The following MAP3K1 variants were observed in gnomAD, a reference collection of about 807,000 sequenced individuals.
The protein encoded by MAP3K1 is mitogen-activated protein kinase kinase kinase 1, also known as MAP/ERK kinase kinase 1.
A neutral mutation model predicts 144.2 loss-of-function variants in MAP3K1; 36 were observed. The observed-to-expected ratio is 0.25, with a 90% CI of 0.19 to 0.33. The LOEUF is 0.33. Ranked by LOEUF, MAP3K1 falls within the 10% of genes least tolerant of loss-of-function variation. The probability of loss-of-function intolerance (pLI) is 1.00; values close to 1 mark genes in which losing one functional copy is unlikely to be tolerated. For synonymous variants in MAP3K1, 718 were observed against 688.7 expected (o/e 1.04, Z -0.67); for missense variants, 1,650 against 1,881.9 (o/e 0.88, Z 2.28).
chr5:56,873,483 A>G (rs1747922795), intron 9 of MAP3K1, among the ~76,000 whole-genome samples: 2 of 152,158 alleles, frequency 1.3e-5, no homozygotes, highest in African/African-American at 4.8e-5. Context: ...TGAGTTCATC[A>G]TTTTTATTTG....
intron 18 of MAP3K1, 57 bp downstream of exon 18, chr5:56,887,577 C>G: frequency 1.3e-6 from 2 of 1,568,096 alleles, no homozygotes; most frequent in Non-Finnish European, 8.8e-7. Flanking sequence ...TGTGTAACAG[C>G]ATTATACTAA....
chr5:56,823,422 C>G (rs916346572), intron 1 of MAP3K1, among the ~76,000 whole-genome samples: 1 of 152,232 alleles, frequency 6.6e-6, no homozygotes, highest in African/African-American at 2.4e-5. Context: ...CTCATCCACC[C>G]AGACTGGCTT....
At chr5:56,862,697 G>A (rs930162350) in intron 3 of MAP3K1, among the ~76,000 whole-genome samples, 1 of 152,192 alleles carries the variant, frequency 6.6e-6, no homozygotes, top group African/African-American at 2.4e-5. Flanking sequence ...CTGTGAGCAT[G>A]TATCTGTGAA....
chr5:56,844,886 A>G (rs1412349804), intron 1 of MAP3K1, among the ~76,000 whole-genome samples: 2 of 152,206 alleles, frequency 1.3e-5, no homozygotes, highest in Non-Finnish European at 2.9e-5. Context: ...TTTGTCAGGA[A>G]GTCATTCTTC....
rs1466506537 is a variant in MAP3K1 at position 56,815,761 on chromosome 5, G to A, written c.188G>A (p.Arg63His). ...GCGGACTGGCGGCGGCGGCAGCTGC[G>A]CAAAGTGCGGAGTGTGGAGCTGGAC... is the stretch of plus-strand genomic sequence containing the variant. The part of the protein sequence containing the change: ...ERADWRRRQL[R>H]KVRSVELDQL... The change falls in exon 1 of 20, where the codon CGC becomes CAC. Residue 63 changes from arginine (R) to histidine (H), a missense_variant. Arg to His is a conservative substitution (Grantham distance 29, BLOSUM62 0). Transcript: ENST00000399503. 2 of 1,381,268 alleles carry A rather than the reference G, an allele frequency of 1.4e-6. No homozygotes were observed. Among genetic ancestry groups the A allele is most frequent in the Non-Finnish European group, 1.9e-6 (2 of 1,063,436 alleles). The allele number at this position is 1,381,268 out of a possible 1,614,324, so 85.6% of individuals were successfully genotyped here. A position where few individuals can be genotyped will look rare whatever the true frequency, so the allele number is the denominator to read the frequency against.
intron 6 of MAP3K1, among the ~76,000 whole-genome samples, chr5:56,867,667 C>T (rs976017117): frequency 7.2e-5 from 11 of 152,176 alleles, no homozygotes; most frequent in African/African-American, 2.2e-4. Flanking sequence ...TGTGCTTGAT[C>T]GTATGTAAAG....
At chr5:56,866,096 T>A in intron 6 of MAP3K1, 119 bp downstream of exon 6, 3 of 973,886 alleles carry the variant, frequency 3.1e-6, no homozygotes, top group Non-Finnish European at 4.7e-6. Context: ...ATCTTGGCTT[T>A]CAAGTTAAAA....
Position 56,882,231 on chromosome 5 carries a change from C to A in MAP3K1, c.3031C>A (p.Pro1011Thr). Residue 1011 changes from proline to threonine, a missense_variant, in exon 14 of 20, where the codon CCC (proline) becomes ACC (threonine). Coordinates refer to ENST00000399503, the MANE Select transcript of MAP3K1 (RefSeq NM_005921.2). ...VSKHRLQGFI[P>T]CRIPSASPQT... is the part of the protein sequence containing the mutation. ...TAAGCATAGACTTCAGGGATTCATT[C>A]CCTGCAGAATACCTTCTGCATCTCC... The A allele has an allele frequency of 6.2e-7, 1 of 1,614,102 alleles. No individual in the cohort carries two copies. The highest frequency in any genetic ancestry group is 8.5e-7 in the Non-Finnish European group (1 of 1,179,998).
intron 3 of MAP3K1, among the ~76,000 whole-genome samples, chr5:56,863,252 A>G (rs1030066120): frequency 2.6e-5 from 4 of 152,244 alleles, no homozygotes; most frequent in African/African-American, 9.6e-5. Flanking sequence ...TTCATGAATC[A>G]TTCTTTGCTC....
intron 19 of MAP3K1, among the ~76,000 whole-genome samples, chr5:56,892,620 T>A (rs1011385808): frequency 1.3e-5 from 2 of 152,110 alleles, no homozygotes; most frequent in Admixed American, 6.5e-5. Flanking sequence ...AAAATAAGAA[T>A]GAAATAGAGA....
chr5:56,890,224 T>G (rs1748508504), intron 19 of MAP3K1, among the ~76,000 whole-genome samples: 1 of 152,210 alleles, frequency 6.6e-6, no homozygotes, highest in African/African-American at 2.4e-5. Flanking sequence ...CAATAAATAC[T>G]CATGGCTAGG....
At chr5:56,877,912 G>C (rs1051898905) in intron 10 of MAP3K1, among the ~76,000 whole-genome samples, 20 of 152,256 alleles carry the variant, frequency 1.3e-4, no homozygotes, top group Non-Finnish European at 2.8e-4. Flanking sequence ...TTACTGGCCA[G>C]TTATTTTGTA....
chr5:56,840,491 A>T (rs941397069), intron 1 of MAP3K1, among the ~76,000 whole-genome samples: 1 of 152,234 alleles, frequency 6.6e-6, no homozygotes, highest in Non-Finnish European at 1.5e-5. Flanking sequence ...ATTCTCTGAA[A>T]ACATTATTTA....
At chr5:56,878,915 A>G in intron 10 of MAP3K1, 65 bp from the exon 11 acceptor site, 1 of 1,475,104 alleles carries the variant, frequency 6.8e-7, no homozygotes, top group African/African-American at 1.4e-5. Context: ...ATTGTCTCAA[A>G]TTAGGCCATT....
At chr5:56,853,065 T>G (rs929346574) in intron 1 of MAP3K1, among the ~76,000 whole-genome samples, 1 of 152,176 alleles carries the variant, frequency 6.6e-6, no homozygotes, top group African/African-American at 2.4e-5. Flanking sequence ...TAGATGTGAT[T>G]TATTCGTGGC....
intron 1 of MAP3K1, among the ~76,000 whole-genome samples, chr5:56,821,425 A>G (rs1746149564): frequency 6.6e-6 from 1 of 152,352 alleles, no homozygotes; most frequent in Middle Eastern, 3.4e-3. Context: ...GGGACAGCCT[A>G]CACAGTACTG....
chr5:56,831,337 CA>C (rs1009102993), intron 1 of MAP3K1, among the ~76,000 whole-genome samples: 8 of 152,006 alleles, frequency 5.3e-5, no homozygotes, highest in African/African-American at 1.7e-4. Context: ...GGAGGGAGAG[CA>C]GGGGGTAGAA....
At chr5:56,833,981 G>T (rs1351286917) in intron 1 of MAP3K1, among the ~76,000 whole-genome samples, 4 of 152,096 alleles carry the variant, frequency 2.6e-5, no homozygotes. Context: ...GTGACTGAGA[G>T]AATTCAGTAA....
intron 6 of MAP3K1, among the ~76,000 whole-genome samples, chr5:56,869,126 C>T (rs1579764659): frequency 6.6e-6 from 1 of 151,974 alleles, no homozygotes; most frequent in East Asian, 1.9e-4. Flanking sequence ...AAAAATTAGC[C>T]AGGCATGGGT....
Sources: allele counts gnomAD v4.1 joint callset (sites outside exome capture counted in the v4.1 genomes callset), GRCh38; gene constraint gnomAD v4.1.1; transcripts MANE v1.5; gene names NCBI Gene and HGNC (gene_info 2026-07-23, HGNC 2026-07-21).